IL2RB: variants seen among roughly 807,000 people sequenced by gnomAD.
IL2RB encodes interleukin 2 receptor subunit beta, also known as interleukin-2 receptor subunit beta.
IL2RB carries 17 observed loss-of-function variants against 44.2 expected under a neutral mutation model. The observed-to-expected ratio is 0.38, with a 90% CI of 0.26 to 0.58. The LOEUF (loss-of-function observed/expected upper bound fraction) is 0.58, where lower values mean the gene tolerates loss of function less well. Among genes scored for constraint, IL2RB ranks in the 20% least tolerant of loss-of-function variants. The pLI is 0.63. For synonymous variants in IL2RB, 286 were observed against 297.9 expected, an observed-to-expected ratio of 0.96 and a Z score of 0.41; for missense variants, 624 against 685.5, an observed-to-expected ratio of 0.91 and a Z score of 1.00.
chr22:37,153,766 G>T (rs761540456), upstream of IL2RB, among the ~76,000 whole-genome samples: 1 of 152,124 alleles, frequency 6.6e-6, no homozygotes, highest in African/African-American at 2.4e-5. Flanking sequence ...CTTTTGTATG[G>T]CATGAACATA....
intron 9 of IL2RB, among the ~76,000 whole-genome samples, chr22:37,129,538 C>G (rs1360617135): frequency 6.6e-6 from 1 of 150,824 alleles, no homozygotes; most frequent in Admixed American, 6.6e-5. Context: ...TCCAGAGAGC[C>G]CTGGCAAGGA....
upstream of IL2RB, among the ~76,000 whole-genome samples, chr22:37,154,224 C>T (rs143139757): frequency 2.0e-3 from 303 of 152,266 alleles, 2 homozygotes; most frequent in African/African-American, 6.7e-3. Context: ...GGGATGGAGC[C>T]GGTTTGTTCT....
intron 1 of IL2RB, among the ~76,000 whole-genome samples, chr22:37,158,376 C>T (rs1236793642): frequency 4.6e-5 from 7 of 152,124 alleles, no homozygotes; most frequent in Non-Finnish European, 8.8e-5. Flanking sequence ...GGCAAAACCA[C>T]GTCTCTACCA....
In IL2RB at chr22:37,142,786, TC is replaced by T. The variant is rs1364062947; in HGVS notation, c.204-275del. ...CAAACCACTTCAAGACAGGCAGTCC[TC>T]CCCACCTAGAGCCCTCCAAAGCTCC... On this transcript the variant is annotated intron_variant, in intron 3 of 9. Coordinates refer to ENST00000216223, the MANE Select transcript of IL2RB (RefSeq NM_000878.5). 8 of 590,752 alleles carry T rather than the reference TC, an allele frequency of 1.4e-5. No homozygotes were observed. In the Admixed American group the frequency reaches 2.0e-4, roughly 15 times the overall value. 36.6% of individuals were successfully genotyped at this position (590,752 alleles called of 1,614,324 possible). A position where few individuals can be genotyped will look rare whatever the true frequency, so the allele number is the denominator to read the frequency against.
intron 1 of IL2RB, among the ~76,000 whole-genome samples, chr22:37,147,814 G>A (rs928525541): frequency 3.3e-5 from 5 of 152,366 alleles, no homozygotes; most frequent in East Asian, 1.9e-4. Flanking sequence ...CCAGGGTGGG[G>A]GCTGCTCACC....
Position 37,166,378 on chromosome 22 carries a change from C to T in IL2RB, c.-34+8580G>A, listed in dbSNP as rs114437722. Among the ~76,000 whole-genome samples, 786 of 152,366 alleles carry T rather than the reference C, an allele frequency of 5.2e-3. 10 individuals are homozygous for T. The highest frequency in any genetic ancestry group is 0.024 in the Middle Eastern group (7 of 294). On this transcript the variant is annotated intron_variant, in intron 1 of 5. Coordinates refer to the IL2RB transcript ENST00000429622. The stretch of plus-strand genomic sequence containing the variant: ...CTGCGTGTGTTGTACACGGAGCCTG[C>T]GCTTCCTGGGCCAGAAGTGAAGCTA...
rs1380787148 is a variant in IL2RB at position 37,128,753 on chromosome 22, C to T, written c.999G>A (p.Val333=). ...TGTCCTGCTGCAGGAGCAGCTGCGT[C>T]ACCTTGTCCCTCTCCAGCACTTCTA... The part of the protein sequence containing the change: ...SPLEVLERDK[V]TQLLLQQDKV... The change falls in exon 10 of 10, where the codon GTG becomes GTA. Residue 333 remains valine, a synonymous_variant. Transcript: ENST00000216223. This position sits in a 1 kb window ranked among gnomAD's most constrained non-coding sequence, Gnocchi z 4.5. 1 of 1,614,122 alleles carries T rather than the reference C, an allele frequency of 6.2e-7. No homozygotes were observed. The highest frequency in any genetic ancestry group is 1.1e-5 in the South Asian group (1 of 91,076).
intron 9 of IL2RB, among the ~76,000 whole-genome samples, chr22:37,129,840 T>C (rs228945): frequency 0.37 from 56,585 of 152,102 alleles, 11,397 homozygotes; most frequent in African/African-American, 0.53. Flanking sequence ...CCCTCTGTCC[T>C]GGGAACCCTC....
At chr22:37,143,946 C>A (rs1346121601) in intron 2 of IL2RB, 139 bp downstream of exon 2, 1 of 1,073,250 alleles carries the variant, frequency 9.3e-7, no homozygotes, top group African/African-American at 1.6e-5. Context: ...CATGCCAGGG[C>A]AGGGGTCCAG....
At chr22:37,147,198 C>T (rs374854390) in intron 1 of IL2RB, among the ~76,000 whole-genome samples, 2 of 152,310 alleles carry the variant, frequency 1.3e-5, no homozygotes, top group South Asian at 2.1e-4. Flanking sequence ...TCTTTAAATG[C>T]AGCAATCAGG....
intron 1 of IL2RB, among the ~76,000 whole-genome samples, chr22:37,155,456 G>T (rs1922647144): frequency 6.6e-6 from 1 of 152,208 alleles, no homozygotes; most frequent in Admixed American, 6.5e-5. Flanking sequence ...ATGTCCTACA[G>T]GGACTGCCCC....
intron 1 of IL2RB, among the ~76,000 whole-genome samples, chr22:37,155,066 C>T (rs766700194): frequency 2.1e-4 from 32 of 152,172 alleles, no homozygotes; most frequent in Non-Finnish European, 4.1e-4. Flanking sequence ...TCTGTTTTCT[C>T]TGACTCATAC....
chr22:37,133,684 G>A (rs3218315), intron 8 of IL2RB, among the ~76,000 whole-genome samples: 51,020 of 152,070 alleles, frequency 0.34, 8,792 homozygotes, highest in East Asian at 0.45. Flanking sequence ...GGCTACAGAG[G>A]GCGAAGTGGA....
intron 1 of IL2RB, among the ~76,000 whole-genome samples, chr22:37,158,648 C>T (rs1922759791): frequency 6.6e-6 from 1 of 152,230 alleles, no homozygotes; most frequent in African/African-American, 2.4e-5. Context: ...GTTCAGAATA[C>T]ACGTGGGTGC....
chr22:37,168,781 A>G (rs891205905), intron 1 of IL2RB, among the ~76,000 whole-genome samples: 1 of 152,224 alleles, frequency 6.6e-6, no homozygotes, highest in Non-Finnish European at 1.5e-5. Context: ...GGCTGAAGGC[A>G]GTTGGGGAAC....
intron 8 of IL2RB, among the ~76,000 whole-genome samples, chr22:37,134,796 C>T (rs1390155387): frequency 2.0e-5 from 3 of 152,184 alleles, no homozygotes; most frequent in Non-Finnish European, 4.4e-5. Flanking sequence ...TGTCTGCCTT[C>T]CCCCACTGGG....
At chr22:37,142,962 G>A (rs936808665) in intron 3 of IL2RB, among the ~76,000 whole-genome samples, 3 of 151,456 alleles carry the variant, frequency 2.0e-5, no homozygotes, top group South Asian at 2.1e-4. Flanking sequence ...ATCCACCTGG[G>A]CCCAGCCACC....
At chr22:37,164,935 G>C (rs1275831217) in intron 1 of IL2RB, among the ~76,000 whole-genome samples, 1 of 152,160 alleles carries the variant, frequency 6.6e-6, no homozygotes, top group African/African-American at 2.4e-5. Context: ...CATTCCCTGA[G>C]AGCTGGTCAG....
At position 37,137,689 on chromosome 22, in the gene IL2RB, G is replaced by A; in HGVS notation, c.435C>T (p.Thr145=). Residue 145 remains threonine, a synonymous_variant, in exon 6 of 10, where the codon ACC becomes ACT. Transcript: ENST00000216223. ...PISLQVVHVE[T]HRCNISWEIS... is the part of the protein sequence containing the mutation. ...TTTCCCAGCTTATGTTGCATCTGTG[G>A]GTCTCCACGTGGACAACTTGGAGGG... 1.2e-6 allele frequency: 2 copies of A among 1,614,060 alleles called. No homozygotes were observed. Among genetic ancestry groups the A allele is most frequent in the Non-Finnish European group, 1.7e-6 (2 of 1,179,946 alleles).
Sources: gnomAD v4.1 joint callset for allele counts (sites outside exome capture counted in the v4.1 genomes callset) on GRCh38, gnomAD v4.1.1 for gene constraint, Gnocchi (gnomAD v3.1) non-coding constraint, MANE v1.5 for transcripts, NCBI Gene and HGNC (gene_info 2026-07-23, HGNC 2026-07-21) for gene names.